The following LRRC7 variants were observed in gnomAD, a reference collection of about 807,000 sequenced individuals.
LRRC7 encodes leucine rich repeat containing 7.
In LRRC7, 23 loss-of-function variants were observed where a neutral mutation model predicts 175.7. The observed-to-expected ratio is 0.13, with a 90% confidence interval of 0.09 to 0.19. The LOEUF is 0.19. LRRC7 is among the 10% of genes least tolerant of loss of function. The pLI is 1.00. For missense variants in LRRC7, 1,354 were observed against 1,904.7 expected (o/e 0.71, Z 5.38); for synonymous variants, 685 against 680.9 (o/e 1.01, Z -0.09).
At chr1:69,816,104 A>T (rs1418460094) in intron 4 of LRRC7, among the ~76,000 whole-genome samples, 2 of 151,992 alleles carry the variant, frequency 1.3e-5, no homozygotes, top group African/African-American at 4.8e-5. Context: ...CAGCCTCCTG[A>T]GTAGCTGGGA....
chr1:69,947,136 T>C (rs1204518388), intron 8 of LRRC7, among the ~76,000 whole-genome samples: 1 of 151,590 alleles, frequency 6.6e-6, no homozygotes, highest in Non-Finnish European at 1.5e-5. Context: ...AATAAATAAA[T>C]AAATAAATAA....
chr1:69,961,332 A>G (rs1453270264), intron 8 of LRRC7, among the ~76,000 whole-genome samples: 4 of 152,224 alleles, frequency 2.6e-5, no homozygotes, highest in African/African-American at 9.6e-5. Context: ...GAAATCAGAC[A>G]TGAAACAAAC....
In LRRC7 at chr1:70,128,553, A is replaced by G. The variant is rs905402489; in HGVS notation, c.*6666A>G. The G allele has an allele frequency of 2.0e-5, 3 of 152,252 alleles. No homozygotes were observed. Among genetic ancestry groups the G allele is most frequent in the African/African-American group, 7.2e-5 (3 of 41,468 alleles). The allele number at this position is 152,252 out of a possible 1,614,324, so 9.4% of individuals were successfully genotyped here. ...TCCTCCACAGGAAAACATTTACTGT[A>G]GCTGAATCTCTGAGGCCTAAAGTAT... On this transcript the variant is annotated 3_prime_UTR_variant, in exon 27 of 27. Transcript: ENST00000651989.
At chr1:69,632,268 T>C (rs1015759019) in intron 1 of LRRC7, among the ~76,000 whole-genome samples, 3 of 152,208 alleles carry the variant, frequency 2.0e-5, no homozygotes, top group African/African-American at 7.2e-5. Context: ...TACTTCACAT[T>C]GTAGCTTCCA....
intron 2 of LRRC7, among the ~76,000 whole-genome samples, chr1:69,680,075 C>G (rs1247593769): frequency 6.6e-6 from 1 of 152,112 alleles, no homozygotes; most frequent in African/African-American, 2.4e-5. Flanking sequence ...GAACCCTGGT[C>G]CAGGCCAGTG....
At chr1:69,929,780 C>A (rs1391141495) in intron 7 of LRRC7, among the ~76,000 whole-genome samples, 4 of 152,120 alleles carry the variant, frequency 2.6e-5, no homozygotes, top group African/African-American at 9.7e-5. Flanking sequence ...TTCATAAAAA[C>A]CTTTCAGTGG....
chr1:69,802,872 A>G (rs1334776425), intron 4 of LRRC7, among the ~76,000 whole-genome samples: 1 of 151,364 alleles, frequency 6.6e-6, no homozygotes, highest in African/African-American at 2.4e-5. Context: ...CTAATATCAC[A>G]AAGATATTTT....
intron 2 of LRRC7, among the ~76,000 whole-genome samples, chr1:69,706,796 G>A (rs763780232): frequency 2.0e-4 from 31 of 152,162 alleles, no homozygotes; most frequent in Admixed American, 5.9e-4. Context: ...GTCCCCACCA[G>A]TATGGCCACA....
intron 7 of LRRC7, among the ~76,000 whole-genome samples, chr1:69,862,104 C>T (rs574123849): frequency 6.6e-6 from 1 of 152,232 alleles, no homozygotes; most frequent in Admixed American, 6.5e-5. Context: ...CATTAGCACA[C>T]CACCTTTCAA....
intron 2 of LRRC7, among the ~76,000 whole-genome samples, chr1:69,704,106 C>T (rs1402616342): frequency 1.3e-5 from 2 of 151,882 alleles, no homozygotes; most frequent in African/African-American, 2.4e-5. Context: ...AATATACACT[C>T]GGTGCTAAGT....
chr1:69,593,815 C>G (rs992431818), intron 1 of LRRC7, among the ~76,000 whole-genome samples: 5 of 152,146 alleles, frequency 3.3e-5, no homozygotes, highest in African/African-American at 1.2e-4. Flanking sequence ...TAAACCCGAT[C>G]TGAGTCTGAA....
chr1:70,020,977 A>G (rs80149353), intron 15 of LRRC7, 28 bp from the exon 16 acceptor site: 96,214 of 1,567,086 alleles, frequency 0.061, 3,392 homozygotes, highest in East Asian at 0.12. Flanking sequence ...TTTTAAAAAA[A>G]CAATAATACT....
At chr1:69,986,521 A>G in intron 10 of LRRC7, 135 bp downstream of exon 10, 1 of 621,828 alleles carries the variant, frequency 1.6e-6, no homozygotes, top group South Asian at 4.9e-5. Context: ...TGCTATGGAA[A>G]TCATAAAATA....
Position 70,142,719 on chromosome 1 carries a change from T to TAAC in LRRC7, c.*20833_*20835dup, listed in dbSNP as rs1558101710. ...ATACAGTTTTATTTTTTCCACTTTA[T>TAAC]AACTGCCCAAGGGCTCCCCCAACCA... On this transcript the variant is annotated 3_prime_UTR_variant, in exon 27 of 27. Coordinates refer to ENST00000651989, the MANE Select transcript of LRRC7 (RefSeq NM_001370785.2). 3 of 152,082 alleles carry TAAC rather than the reference T, an allele frequency of 2.0e-5. No individual in the cohort carries two copies. In the South Asian group the frequency reaches 6.2e-4, roughly 31 times the overall value. The allele number at this position is 152,082 out of a possible 1,614,324, so 9.4% of individuals were successfully genotyped here. A position where few individuals can be genotyped will look rare whatever the true frequency, so the allele number is the denominator to read the frequency against.
intron 13 of LRRC7, 60 bp from the exon 14 acceptor site, chr1:70,016,405 C>A (rs2101962602): frequency 1.6e-6 from 2 of 1,217,160 alleles, no homozygotes; most frequent in East Asian, 2.5e-5. Context: ...TTAAATAATT[C>A]TTAGAAATGA....
chr1:69,630,956 G>T (rs1188700556), intron 1 of LRRC7, among the ~76,000 whole-genome samples: 2 of 151,874 alleles, frequency 1.3e-5, no homozygotes, highest in Non-Finnish European at 2.9e-5. Flanking sequence ...TGGCTTTTGG[G>T]TTACATGCTT....
chr1:69,810,906 A>G (rs1339294184), intron 4 of LRRC7, among the ~76,000 whole-genome samples: 1 of 152,210 alleles, frequency 6.6e-6, no homozygotes, highest in Non-Finnish European at 1.5e-5. Flanking sequence ...TGGCAACAAA[A>G]GCCAAAATTG....
intron 3 of LRRC7, among the ~76,000 whole-genome samples, chr1:69,768,081 A>G (rs1403208445): frequency 6.6e-6 from 1 of 152,152 alleles, no homozygotes; most frequent in East Asian, 1.9e-4. Context: ...GCAGTCAGGG[A>G]TTTATCACAA....
chr1:69,887,917 A>T lies in LRRC7; in HGVS notation c.648-43590A>T, dbSNP rs1402071793. ...GTGCCCCTGCTGGGGGGTGCCTCTC[A>T]GTTAGGCTGCTCAGGGGTCAGGGGT... On this transcript the variant is annotated intron_variant, in intron 7 of 26. Transcript: ENST00000651989. 5.0e-4 allele frequency among the ~76,000 whole-genome samples: 73 copies of T among 146,910 alleles called. 3 individuals carry two copies. Among genetic ancestry groups the T allele is most frequent in the Non-Finnish European group, 8.9e-4 (60 of 67,378 alleles).
Sources: gnomAD v4.1 joint callset for allele counts (sites outside exome capture counted in the v4.1 genomes callset) on GRCh38, gnomAD v4.1.1 for gene constraint, MANE v1.5 for transcripts, NCBI Gene and HGNC (gene_info 2026-07-23, HGNC 2026-07-21) for gene names.